The following KCNIP4 variants were observed in gnomAD, a reference collection of about 807,000 sequenced individuals.
KCNIP4 encodes the protein Kv channel-interacting protein 4.
In KCNIP4, 12 loss-of-function variants were observed where a neutral mutation model predicts 34.0. That is an observed-to-expected ratio of 0.35 (90% confidence interval 0.23 to 0.57). The LOEUF is 0.57. KCNIP4 is among the 20% of genes least tolerant of loss of function. KCNIP4 has a pLI of 0.83. For missense variants in KCNIP4, 238 were observed against 311.7 expected (o/e 0.76, Z 1.78); for synonymous variants, 124 against 102.2 (o/e 1.21, Z -1.29).
chr4:21,766,683 T>C (rs1347658412), intron 1 of KCNIP4, among the ~76,000 whole-genome samples: 1 of 152,170 alleles, frequency 6.6e-6, no homozygotes, highest in Non-Finnish European at 1.5e-5. Context: ...ATTATTATCA[T>C]CTCATTTTAT....
intron 3 of KCNIP4, among the ~76,000 whole-genome samples, chr4:20,802,258 T>C (rs890522568): frequency 5.0e-5 from 5 of 100,258 alleles, no homozygotes; most frequent in African/African-American, 1.3e-4. Context: ...ATATGCTACA[T>C]ATATGCTATA....
chr4:20,905,602 C>T (rs934072006), intron 1 of KCNIP4, among the ~76,000 whole-genome samples: 2 of 144,572 alleles, frequency 1.4e-5, no homozygotes, highest in South Asian at 2.2e-4. Flanking sequence ...ACCTCTACCT[C>T]CCAGTGTCAA....
chr4:21,247,242 T>G (rs1760273072), intron 1 of KCNIP4, among the ~76,000 whole-genome samples: 1 of 152,048 alleles, frequency 6.6e-6, no homozygotes, highest in Non-Finnish European at 1.5e-5. Context: ...CAGGTCCAAT[T>G]TCAAAACCAC....
intron 1 of KCNIP4, among the ~76,000 whole-genome samples, chr4:21,632,280 C>A (rs1195423278): frequency 6.6e-6 from 1 of 152,174 alleles, no homozygotes; most frequent in Non-Finnish European, 1.5e-5. Flanking sequence ...ATGGTGTGAT[C>A]TCAGCTCACT....
In KCNIP4 at chr4:21,786,073, C is replaced by CGTGTAGCT. The variant is rs549060709; in HGVS notation, c.61+162490_61+162497dup. ...AAGCGATTCCCCTGCCTCAGCCACC[C>CGTGTAGCT]GTGTAGCTGGGACTACAGGCGTGCG... On this transcript the variant is annotated intron_variant, in intron 1 of 8. Transcript: ENST00000382152. Among the ~76,000 whole-genome samples, 15 of 152,282 alleles carry CGTGTAGCT rather than the reference C, an allele frequency of 9.9e-5. No homozygotes were observed. The South Asian group carries it at 2.9e-3, about 29-fold the overall frequency.
intron 1 of KCNIP4, among the ~76,000 whole-genome samples, chr4:21,948,206 T>C (rs1276572910): frequency 1.3e-5 from 2 of 152,134 alleles, no homozygotes; most frequent in Non-Finnish European, 2.9e-5. Context: ...AGCTCATTAA[T>C]CCCCAGGTGT....
At chr4:21,219,188 C>G (rs1038688780) in intron 1 of KCNIP4, among the ~76,000 whole-genome samples, 1 of 152,074 alleles carries the variant, frequency 6.6e-6, no homozygotes, top group African/African-American at 2.4e-5. Context: ...CTGATGGGTC[C>G]ATGTATGGAA....
chr4:21,004,027 C>T (rs2149722235), intron 1 of KCNIP4, among the ~76,000 whole-genome samples: 1 of 152,224 alleles, frequency 6.6e-6, no homozygotes, highest in East Asian at 1.9e-4. Context: ...CATCCCAAGG[C>T]ATTTGATGTT....
chr4:20,884,240 G>A (rs1424734358), intron 1 of KCNIP4, among the ~76,000 whole-genome samples: 2 of 152,060 alleles, frequency 1.3e-5, no homozygotes, highest in Non-Finnish European at 2.9e-5. Flanking sequence ...TTAAGTTCTG[G>A]GATACATGTG....
At chr4:20,932,427 G>T (rs536154718) in intron 1 of KCNIP4, among the ~76,000 whole-genome samples, 1 of 139,906 alleles carries the variant, frequency 7.1e-6, no homozygotes, top group African/African-American at 2.8e-5. Flanking sequence ...GTCTAATATT[G>T]TAGACTATAA....
chr4:21,466,800 C>T (rs1729979716), intron 1 of KCNIP4, among the ~76,000 whole-genome samples: 2 of 152,040 alleles, frequency 1.3e-5, no homozygotes, highest in Non-Finnish European at 2.9e-5. Flanking sequence ...CTTCAGCAAG[C>T]ATGGCCTCAT....
intron 5 of KCNIP4, among the ~76,000 whole-genome samples, chr4:20,737,502 G>A (rs1008863540): frequency 1.3e-5 from 2 of 151,730 alleles, no homozygotes; most frequent in Non-Finnish European, 2.9e-5. Context: ...GGGTAGATGG[G>A]CCGATCTGAG....
chr4:21,361,958 A>C (rs1719273966), intron 1 of KCNIP4, among the ~76,000 whole-genome samples: 1 of 152,016 alleles, frequency 6.6e-6, no homozygotes, highest in Admixed American at 6.6e-5. Flanking sequence ...AACCCGTCAC[A>C]CCGTCAGAGA....
At chr4:21,564,778 A>AAAGGAGCTAGTGTGTGCAGAGGT (rs1739715990) in intron 1 of KCNIP4, among the ~76,000 whole-genome samples, 1 of 152,068 alleles carries the variant, frequency 6.6e-6, no homozygotes, top group African/African-American at 2.4e-5. Flanking sequence ...TGGAAGGGAA[A>AAAGGAGCTAGTGTGTGCAGAGGT]AAGGAGCTAG....
At position 21,794,757 on chromosome 4, in the gene KCNIP4, T is replaced by C. The variant is rs185303553; in HGVS notation, c.61+153814A>G. 1.6e-3 allele frequency among the ~76,000 whole-genome samples: 241 copies of C among 152,294 alleles called. 3 individuals carry two copies. The highest frequency in any genetic ancestry group is 0.015 in the Admixed American group (237 of 15,306). On this transcript the variant is annotated intron_variant, in intron 1 of 8. Coordinates refer to ENST00000382152, the MANE Select transcript of KCNIP4 (RefSeq NM_025221.6). ...AGCCAGGAGTGGTGGCATGCACCTGTAATCCCAGCTACTTGGGAGGCTGAA... is the reference window on the plus strand; with the variant it reads ...AGCCAGGAGTGGTGGCATGCACCTGCAATCCCAGCTACTTGGGAGGCTGAA...
chr4:21,827,345 T>A (rs1722735044), intron 1 of KCNIP4, among the ~76,000 whole-genome samples: 4 of 151,998 alleles, frequency 2.6e-5, no homozygotes, highest in African/African-American at 9.7e-5. Context: ...CCTAGGAGAC[T>A]TAACAACAGA....
chr4:21,143,548 C>T (rs936837341), intron 1 of KCNIP4, among the ~76,000 whole-genome samples: 2 of 113,224 alleles, frequency 1.8e-5, no homozygotes, highest in East Asian at 2.6e-4. Flanking sequence ...GTGGTAAAGG[C>T]AGCTGAGATA....
chr4:21,021,859 C>CGTATAGTATAGTATAGTATAGTATA (rs148164124), intron 1 of KCNIP4, among the ~76,000 whole-genome samples: 19 of 145,844 alleles, frequency 1.3e-4, no homozygotes, highest in South Asian at 2.2e-4. Context: ...AGTATAGTAT[C>CGTATAGTATAGTATAGTATAGTATA]GTATAGTATA....
intron 1 of KCNIP4, among the ~76,000 whole-genome samples, chr4:20,994,025 C>A (rs1364852500): frequency 6.6e-6 from 1 of 152,168 alleles, no homozygotes; most frequent in South Asian, 2.1e-4. Flanking sequence ...CATCTACCTC[C>A]CTCTTTCTTT....
Sources: gnomAD v4.1 joint callset for allele counts (sites outside exome capture counted in the v4.1 genomes callset) on GRCh38, gnomAD v4.1.1 for gene constraint, MANE v1.5 for transcripts, NCBI Gene and HGNC (gene_info 2026-07-23, HGNC 2026-07-21) for gene names.